Variants in COL4A6 observed in about 807,000 individuals in gnomAD.
COL4A6 encodes the protein collagen alpha-6(IV) chain.
COL4A6 carries 59 observed loss-of-function variants against 126.7 expected under a neutral mutation model. That is an observed-to-expected ratio of 0.47 (90% CI 0.38 to 0.58). The LOEUF is 0.58. Ranked by LOEUF, COL4A6 falls within the 20% of genes least tolerant of loss-of-function variation. The pLI is 0.00. For synonymous variants in COL4A6, 547 were observed against 496.6 expected (o/e 1.10, Z -1.35); for missense variants, 1,285 against 1,337.3 (o/e 0.96, Z 0.61).
chrX:108,182,010 C>A (rs180756817), intron 23 of COL4A6, among the ~76,000 whole-genome samples: 1 of 112,408 alleles, frequency 8.9e-6, no homozygotes, highest in Non-Finnish European at 1.9e-5. Context: ...TTACTGAACT[C>A]GCTGGCATCC....
In COL4A6 at chrX:108,331,963, T is replaced by C. The variant is rs1189285475; in HGVS notation, c.64-21135A>G. Among the ~76,000 whole-genome samples the C allele has an allele frequency of 2.7e-5, 3 of 111,344 alleles. No individual in the cohort carries two copies. The Admixed American group carries it at 2.9e-4, about 11-fold the overall frequency. On this transcript the variant is annotated intron_variant, in intron 2 of 44. Coordinates refer to ENST00000334504, the MANE Select transcript of COL4A6 (RefSeq NM_033641.4). ...TTACCCATCACCCAAACAGTGTACA[T>C]TGTACCCAACAGGTAGTATTTCATC...
chrX:108,277,794 C>T (rs1408120543), intron 3 of COL4A6, among the ~76,000 whole-genome samples: 1 of 111,755 alleles, frequency 8.9e-6, no homozygotes, highest in Non-Finnish European at 1.9e-5. Flanking sequence ...TGAGACAAAA[C>T]TTCCAGAGGA....
At chrX:108,363,477 G>T (rs143048850) in intron 2 of COL4A6, among the ~76,000 whole-genome samples, 1 of 111,895 alleles carries the variant, frequency 8.9e-6, no homozygotes, top group Non-Finnish European at 1.9e-5. Flanking sequence ...AGTAGCAGGG[G>T]CGTATTTTCA....
At chrX:108,213,610 T>C (rs2035772968) in intron 6 of COL4A6, among the ~76,000 whole-genome samples, 2 of 112,127 alleles carry the variant, frequency 1.8e-5, no homozygotes, top group Admixed American at 1.9e-4. Context: ...CTTGTGCCAG[T>C]AGCACACCAC....
intron 2 of COL4A6, among the ~76,000 whole-genome samples, chrX:108,414,619 CAAAA>C (rs35601117): frequency 1.3e-5 from 1 of 77,464 alleles, no homozygotes; most frequent in Admixed American, 1.6e-4. Context: ...GCCTCTCTCT[CAAAA>C]AAAAAAAAAA....
chrX:108,328,570 A>G (rs1172112394), intron 2 of COL4A6, among the ~76,000 whole-genome samples: 1 of 112,225 alleles, frequency 8.9e-6, no homozygotes, highest in African/African-American at 3.2e-5. Context: ...AGACAAAATG[A>G]TCCAGTTTTT....
intron 2 of COL4A6, among the ~76,000 whole-genome samples, chrX:108,337,195 T>A (rs1454315042): frequency 1.8e-5 from 2 of 111,875 alleles, no homozygotes; most frequent in Non-Finnish European, 3.8e-5. Context: ...GTCACATGAA[T>A]TGGCATATTA....
At chrX:108,209,675 G>C (rs995576138) in intron 8 of COL4A6, among the ~76,000 whole-genome samples, 21 of 112,084 alleles carry the variant, frequency 1.9e-4, no homozygotes, top group African/African-American at 6.8e-4. Context: ...CATTTAGTAA[G>C]TGCTTGCTGA....
chrX:108,341,600 C>T (rs1195328888), intron 2 of COL4A6, among the ~76,000 whole-genome samples: 1 of 110,934 alleles, frequency 9.0e-6, no homozygotes, highest in Non-Finnish European at 1.9e-5. Flanking sequence ...ACTATGAGTC[C>T]ATTAAACCTC....
At chrX:108,269,592 C>T (rs1423698565) in intron 3 of COL4A6, among the ~76,000 whole-genome samples, 2 of 111,437 alleles carry the variant, frequency 1.8e-5, no homozygotes, top group Admixed American at 9.5e-5. Flanking sequence ...CAGGGAAGGG[C>T]TAACAGAAAA....
chrX:108,371,710 T>A (rs2148102895), intron 2 of COL4A6, among the ~76,000 whole-genome samples: 1 of 108,903 alleles, frequency 9.2e-6, no homozygotes, highest in Admixed American at 9.9e-5. Flanking sequence ...TGACCCATGA[T>A]TGTGCCACTG....
At chrX:108,175,926 G>T in intron 28 of COL4A6, 129 bp from the exon 29 acceptor site, 1 of 518,219 alleles carries the variant, frequency 1.9e-6, no homozygotes, top group South Asian at 3.3e-5. Context: ...TCAAACCCAG[G>T]TTTCTCTAAT....
At chrX:108,284,426 T>C (rs1019131654) in intron 3 of COL4A6, among the ~76,000 whole-genome samples, 16 of 111,660 alleles carry the variant, frequency 1.4e-4, no homozygotes, top group Non-Finnish European at 3.0e-4. Context: ...AACCTGCATG[T>C]TCTGCACATG....
At chrX:108,165,295 G>T in intron 38 of COL4A6, 75 bp downstream of exon 38, 1 of 904,443 alleles carries the variant, frequency 1.1e-6, no homozygotes, top group Non-Finnish European at 1.6e-6. Context: ...GGACTTGGCT[G>T]CGCTGTATAC....
intron 13 of COL4A6, among the ~76,000 whole-genome samples, chrX:108,200,709 G>C (rs1433766176): frequency 1.8e-5 from 2 of 111,373 alleles, no homozygotes; most frequent in African/African-American, 3.3e-5. Flanking sequence ...GGTGACTACA[G>C]TTAACAACAA....
At chrX:108,158,050 A>C (rs779631347) in intron 44 of COL4A6, among the ~76,000 whole-genome samples, 1 of 112,895 alleles carries the variant, frequency 8.9e-6, no homozygotes, top group Admixed American at 9.3e-5. Flanking sequence ...GAGAGTCTGC[A>C]TGGGACCTTT....
chrX:108,211,634 T>A (rs1231549699), intron 7 of COL4A6, 38 bp downstream of exon 7: 3 of 1,168,272 alleles, frequency 2.6e-6, no homozygotes. Flanking sequence ...GGAACCCAGC[T>A]TATAGCCTAC....
At chrX:108,310,339 G>A (rs2038731846) in intron 3 of COL4A6, among the ~76,000 whole-genome samples, 2 of 111,730 alleles carry the variant, frequency 1.8e-5, no homozygotes, top group African/African-American at 6.5e-5. Flanking sequence ...TAACAAGCAG[G>A]GTGATTTTGG....
intron 3 of COL4A6, among the ~76,000 whole-genome samples, chrX:108,256,526 A>G (rs1392059328): frequency 9.0e-6 from 1 of 111,562 alleles, no homozygotes; most frequent in Non-Finnish European, 1.9e-5. Context: ...GGGGCTAGGA[A>G]CTTGCCTAAG....
Sources: gnomAD v4.1 joint callset for allele counts (sites outside exome capture counted in the v4.1 genomes callset) on GRCh38, gnomAD v4.1.1 for gene constraint, MANE v1.5 for transcripts, NCBI Gene and HGNC (gene_info 2026-07-23, HGNC 2026-07-21) for gene names.